ROCK2: variants seen among roughly 807,000 people sequenced by gnomAD.
The protein encoded by ROCK2 is rho-associated protein kinase 2.
A neutral mutation model predicts 195.1 loss-of-function variants in ROCK2; 61 were observed. The ratio of observed to expected loss-of-function variants is 0.31; its 90% CI spans 0.25 to 0.39. The LOEUF is 0.39. ROCK2 is among the 10% of genes least tolerant of loss of function. The pLI is 1.00. For missense variants in ROCK2, 1,109 were observed against 1,637.4 expected, an observed-to-expected ratio of 0.68 and a Z score of 5.57; for synonymous variants, 504 against 545.5, an observed-to-expected ratio of 0.92 and a Z score of 1.06.
intron 32 of ROCK2, among the ~76,000 whole-genome samples, chr2:11,185,426 T>A (rs1167651697): frequency 6.6e-6 from 1 of 152,168 alleles, no homozygotes; most frequent in Admixed American, 6.5e-5. Context: ...CTATCATCTT[T>A]GTTTTTAAAA....
intron 1 of ROCK2, among the ~76,000 whole-genome samples, chr2:11,304,534 C>A (rs1352130657): frequency 6.6e-6 from 1 of 152,196 alleles, no homozygotes; most frequent in Non-Finnish European, 1.5e-5. Flanking sequence ...ACCATTAGGT[C>A]TTCTTGCTTC....
intron 1 of ROCK2, among the ~76,000 whole-genome samples, chr2:11,340,309 C>G (rs1428479796): frequency 6.6e-6 from 1 of 152,104 alleles, no homozygotes; most frequent in Admixed American, 6.5e-5. Flanking sequence ...CACAAGTATT[C>G]TAATGTGAGA....
chr2:11,339,623 A>T (rs1254471831), intron 1 of ROCK2, among the ~76,000 whole-genome samples: 1 of 152,164 alleles, frequency 6.6e-6, no homozygotes, highest in Non-Finnish European at 1.5e-5. Context: ...AGAGAATATG[A>T]ATAACCCACA....
intron 1 of ROCK2, among the ~76,000 whole-genome samples, chr2:11,295,388 C>T (rs1017361810): frequency 2.6e-5 from 4 of 151,586 alleles, no homozygotes; most frequent in African/African-American, 7.3e-5. Flanking sequence ...ATATTTGAAA[C>T]TTGTACAGTT....
intron 3 of ROCK2, among the ~76,000 whole-genome samples, chr2:11,254,176 T>C (rs1440024823): frequency 1.1e-4 from 17 of 152,194 alleles, no homozygotes; most frequent in Admixed American, 1.1e-3. Flanking sequence ...CCTCCCATTG[T>C]AAACAACCAT....
At chr2:11,284,649 A>T (rs1465572952) in intron 3 of ROCK2, among the ~76,000 whole-genome samples, 1 of 152,180 alleles carries the variant, frequency 6.6e-6, no homozygotes, top group Non-Finnish European at 1.5e-5. Flanking sequence ...ATTTCTATCA[A>T]TTTAGAAATT....
At chr2:11,334,504 C>G (rs759852469) in intron 1 of ROCK2, among the ~76,000 whole-genome samples, 15 of 86,542 alleles carry the variant, frequency 1.7e-4, no homozygotes, top group Non-Finnish European at 2.7e-4. Flanking sequence ...GAGAGAGACT[C>G]TGTCTCAAAA....
At chr2:11,345,005 G>A (rs1268191224), upstream of ROCK2, among the ~76,000 whole-genome samples, 3 of 150,484 alleles carry the variant, frequency 2.0e-5, no homozygotes, top group East Asian at 2.0e-4. Context: ...CCAGCGCACC[G>A]TGCGCTGGGG....
chr2:11,252,732 A>G (rs1416383236), intron 3 of ROCK2, among the ~76,000 whole-genome samples: 4 of 152,088 alleles, frequency 2.6e-5, no homozygotes, highest in Admixed American at 6.6e-5. Context: ...GTTCCCACTC[A>G]TAAGTGGGAG....
chr2:11,293,403 C>T (rs1373292234), intron 1 of ROCK2, among the ~76,000 whole-genome samples: 1 of 152,204 alleles, frequency 6.6e-6, no homozygotes, highest in East Asian at 1.9e-4. Context: ...CCTATAAAAT[C>T]ATTCTGGTGA....
intron 1 of ROCK2, among the ~76,000 whole-genome samples, chr2:11,309,373 C>T (rs959149257): frequency 2.0e-5 from 3 of 152,016 alleles, no homozygotes; most frequent in Non-Finnish European, 4.4e-5. Flanking sequence ...CCACAGACTT[C>T]GAGGAATGAC....
At chr2:11,214,794 A>G in intron 16 of ROCK2, 46 bp downstream of exon 16, 2 of 1,532,142 alleles carry the variant, frequency 1.3e-6, no homozygotes, top group Non-Finnish European at 1.8e-6. Context: ...TATTTTTAAA[A>G]TAAGAATCAT....
chr2:11,329,903 G>A (rs191420543), intron 1 of ROCK2, among the ~76,000 whole-genome samples: 5 of 152,258 alleles, frequency 3.3e-5, no homozygotes, highest in Admixed American at 1.3e-4. Context: ...TGCATATTCC[G>A]TTTAAGCTAC....
rs1173684872 is a variant in ROCK2, at chr2:11,344,325, CA to C, written c.-190del. On this transcript the variant is annotated 5_prime_UTR_variant, in exon 1 of 33. Transcript: ENST00000315872. The surrounding 1 kb of genome is among the most constrained non-coding windows in gnomAD (Gnocchi z 5.4). ...GCTGCTCCCAGGGGCCCGCCCGGCC[CA>C]GCCCGGCCCAGCCCGGCCCGGCCCT... The C allele has an allele frequency of 4.7e-4, 554 of 1,166,398 alleles. No homozygotes were observed. The highest frequency in any genetic ancestry group is 5.5e-4 in the Non-Finnish European group (524 of 949,228). 72.3% of individuals were successfully genotyped at this position (1,166,398 alleles called of 1,614,324 possible). A position where few individuals can be genotyped will look rare whatever the true frequency, so the allele number is the denominator to read the frequency against.
At chr2:11,289,544 T>C (rs1667298237) in intron 1 of ROCK2, among the ~76,000 whole-genome samples, 1 of 152,062 alleles carries the variant, frequency 6.6e-6, no homozygotes, top group African/African-American at 2.4e-5. Context: ...AGAAGAAAAA[T>C]ATAAATTGAC....
In ROCK2 at chr2:11,318,913, T is replaced by C. The variant is rs1233316530; in HGVS notation, c.141+25083A>G. ...AGGTTTGTCAAAGATCAGATAGTTG[T>C]AGATGTGTGGTATTATTTCTGAGGG... On this transcript the variant is annotated intron_variant, in intron 1 of 32. Coordinates refer to ENST00000315872, the MANE Select transcript of ROCK2 (RefSeq NM_004850.5). 2.6e-5 allele frequency among the ~76,000 whole-genome samples: 4 copies of C among 152,184 alleles called. No homozygotes were observed. The South Asian group carries it at 6.2e-4, about 24-fold the overall frequency.
intron 1 of ROCK2, among the ~76,000 whole-genome samples, chr2:11,313,561 T>C (rs1304620067): frequency 1.3e-5 from 2 of 152,026 alleles, no homozygotes; most frequent in Non-Finnish European, 2.9e-5. Context: ...GGTGAATTTG[T>C]ATAACCTCTT....
intron 3 of ROCK2, among the ~76,000 whole-genome samples, chr2:11,283,538 G>A (rs1278152095): frequency 2.2e-5 from 3 of 136,882 alleles, no homozygotes; most frequent in Admixed American, 1.5e-4. Flanking sequence ...TCCGCAGTCC[G>A]GCCTGGGCGA....
intron 1 of ROCK2, among the ~76,000 whole-genome samples, chr2:11,294,451 G>A (rs1427721474): frequency 1.3e-5 from 2 of 151,968 alleles, no homozygotes; most frequent in Non-Finnish European, 1.5e-5. Context: ...ATTATATGGT[G>A]GAATTATATG....
Sources: gnomAD v4.1 joint callset for allele counts (sites outside exome capture counted in the v4.1 genomes callset) on GRCh38, gnomAD v4.1.1 for gene constraint, Gnocchi (gnomAD v3.1) non-coding constraint, MANE v1.5 for transcripts, NCBI Gene and HGNC (gene_info 2026-07-23, HGNC 2026-07-21) for gene names.